The following ACCSL variants were observed in gnomAD, a reference collection of about 807,000 sequenced individuals.
ACCSL encodes 1-aminocyclopropane-1-carboxylate synthase homolog (inactive) like, also known as probable inactive 1-aminocyclopropane-1-carboxylate synthase-like protein 2.
A neutral mutation model predicts 61.7 loss-of-function variants in ACCSL; 55 were observed. The observed-to-expected ratio is 0.89, with a 90% CI of 0.72 to 1.12. ACCSL has a LOEUF of 1.12. Ranked by LOEUF, ACCSL falls within the 50% of genes most tolerant of loss-of-function variation. The pLI is 0.00. For missense variants in ACCSL, 632 were observed against 698.0 expected, an observed-to-expected ratio of 0.91 and a Z score of 1.07; for synonymous variants, 258 against 264.3, an observed-to-expected ratio of 0.98 and a Z score of 0.23.
the ACCSL span, among the ~76,000 whole-genome samples, chr11:43,932,088 G>A: frequency 6.6e-6 from 1 of 152,144 alleles, no homozygotes; most frequent in Non-Finnish European, 1.5e-5. Flanking sequence ...AAATGACAGG[G>A]CATCATTGCG....
the ACCSL span, among the ~76,000 whole-genome samples, chr11:43,967,178 T>TA: frequency 1.3e-4 from 16 of 127,000 alleles, no homozygotes; most frequent in Non-Finnish European, 2.3e-4. Flanking sequence ...TTTTTTTTTT[T>TA]TTTTTTTTTT....
At position 44,056,230 on chromosome 11, in the gene ACCSL, A is replaced by C; in HGVS notation, c.1231A>C (p.Asn411His). 6.2e-7 allele frequency: 1 copy of C among 1,614,132 alleles called. No individual in the cohort carries two copies. Among genetic ancestry groups the C allele is most frequent in the Non-Finnish European group, 8.5e-7 (1 of 1,179,974 alleles). The change falls in exon 11 of 14, where the codon AAC (asparagine) becomes CAC (histidine). Residue 411 changes from asparagine to histidine, a missense_variant. By Grantham distance (68) the Asn-to-His change is moderately conservative (BLOSUM62 1). Transcript: ENST00000378832. Reference protein sequence around the residue: ...GFRFGALYTHNKEVASAVSAF... With the variant: ...GFRFGALYTHHKEVASAVSAF... ...CCGCTTTGGTGCTCTGTATACCCACAACAAGGAGGTGGCCTCTGCTGTGAG... is the reference window on the plus strand; with the variant it reads ...CCGCTTTGGTGCTCTGTATACCCACCACAAGGAGGTGGCCTCTGCTGTGAG...
chr11:44,029,843 G>A, the ACCSL span, among the ~76,000 whole-genome samples: 56 of 152,014 alleles, frequency 3.7e-4, no homozygotes, highest in African/African-American at 1.2e-3. Context: ...TGGAATCTAA[G>A]CAGGGGTCCC....
In ACCSL at chr11:44,052,771, G is replaced by A. The variant is rs1952647725; in HGVS notation, c.870+12G>A. The A allele has an allele frequency of 6.8e-6, 11 of 1,610,544 alleles. No individual in the cohort carries two copies. Among genetic ancestry groups the A allele is most frequent in the African/African-American group, 1.3e-5 (1 of 74,936 alleles). On this transcript the variant is annotated intron_variant, in intron 6 of 13. Coordinates refer to ENST00000378832, the MANE Select transcript of ACCSL (RefSeq NM_001031854.2). The stretch of plus-strand genomic sequence containing the variant: ...ACCTGGAGAGTGAGGTCTGAATGGG[G>A]CCCCTTCCCTGCTCAGTATGCCTAG...
intron 8 of ACCSL, among the ~76,000 whole-genome samples, 191 bp downstream of exon 8, chr11:44,053,697 A>C (rs1249091235): frequency 6.6e-6 from 1 of 152,156 alleles, no homozygotes; most frequent in Non-Finnish European, 1.5e-5. Flanking sequence ...CCTTGTCTCT[A>C]CTAAAAATAC....
upstream of ACCSL, among the ~76,000 whole-genome samples, chr11:44,046,244 G>T (rs990756802): frequency 6.6e-6 from 1 of 152,198 alleles, no homozygotes; most frequent in Admixed American, 6.5e-5. Flanking sequence ...TCATCAGTAT[G>T]TTCCTAACAC....
the ACCSL span, among the ~76,000 whole-genome samples, chr11:44,030,504 C>T: frequency 6.6e-6 from 1 of 151,924 alleles, no homozygotes; most frequent in Admixed American, 6.6e-5. Flanking sequence ...GTCTCTGAGC[C>T]AAGGCACAGG....
the ACCSL span, among the ~76,000 whole-genome samples, chr11:43,949,534 G>A: frequency 6.6e-6 from 1 of 152,112 alleles, no homozygotes; most frequent in East Asian, 1.9e-4. Context: ...TTACTTACTG[G>A]CCGGGCATGG....
At chr11:43,991,119 C>A in the ACCSL span, among the ~76,000 whole-genome samples, 5 of 151,948 alleles carry the variant, frequency 3.3e-5, no homozygotes, top group African/African-American at 1.2e-4. Flanking sequence ...GTTTTGGAGT[C>A]AGAGAGATTC....
chr11:43,953,534 A>C, the ACCSL span, among the ~76,000 whole-genome samples: 1 of 151,916 alleles, frequency 6.6e-6, no homozygotes, highest in African/African-American at 2.4e-5. Flanking sequence ...AAAAAAAAAA[A>C]AAAAAAGGAT....
the ACCSL span, among the ~76,000 whole-genome samples, chr11:43,924,718 G>C: frequency 1.3e-5 from 2 of 152,232 alleles, no homozygotes; most frequent in South Asian, 4.1e-4. Context: ...TGAGCCACCT[G>C]CCTGGGGGTT....
the ACCSL span, among the ~76,000 whole-genome samples, chr11:43,923,741 GTCTGTTAGTGT>G: frequency 6.6e-6 from 1 of 152,228 alleles, no homozygotes; most frequent in East Asian, 1.9e-4. Flanking sequence ...GGGCTGAGCT[GTCTGTTAGTGT>G]TTAAGCTGGA....
At chr11:43,928,995 T>C in the ACCSL span, among the ~76,000 whole-genome samples, 3 of 152,216 alleles carry the variant, frequency 2.0e-5, no homozygotes, top group African/African-American at 7.2e-5. Flanking sequence ...AGGATGGTGC[T>C]GTGGTGGCAA....
At chr11:43,928,044 G>A in the ACCSL span, among the ~76,000 whole-genome samples, 6 of 152,230 alleles carry the variant, frequency 3.9e-5, no homozygotes, top group Non-Finnish European at 7.3e-5. Flanking sequence ...GTGGTGGCCA[G>A]GGAAGTCTGC....
the ACCSL span, chr11:43,943,138 G>A: frequency 1.3e-6 from 2 of 1,500,166 alleles, no homozygotes; most frequent in East Asian, 2.7e-5. This position sits in a 1 kb window ranked among gnomAD's most constrained non-coding sequence, Gnocchi z 4.8. Flanking sequence ...AGGAGGAGAA[G>A]GCCAAGAAGT....
chr11:44,053,094 A>G (rs758069020), intron 7 of ACCSL, 26 bp downstream of exon 7: 1 of 1,592,638 alleles, frequency 6.3e-7, no homozygotes, highest in Non-Finnish European at 8.6e-7. Context: ...TATTTTTAGG[A>G]TGGCCACTGC....
At chr11:43,937,241 A>G in the ACCSL span, among the ~76,000 whole-genome samples, 6 of 152,348 alleles carry the variant, frequency 3.9e-5, no homozygotes, top group South Asian at 1.2e-3. Flanking sequence ...GCAGTGGCCA[A>G]CAATGACCAC....
At chr11:43,996,139 C>A in the ACCSL span, among the ~76,000 whole-genome samples, 1 of 152,202 alleles carries the variant, frequency 6.6e-6, no homozygotes, top group Admixed American at 6.5e-5. Context: ...CCACTCACAG[C>A]CCTCAGAAGG....
chr11:44,012,309 A>T, the ACCSL span, among the ~76,000 whole-genome samples: 2 of 150,360 alleles, frequency 1.3e-5, no homozygotes, highest in African/African-American at 4.9e-5. Flanking sequence ...TTTTTGAGAT[A>T]GAGTTTCGCT....
Sources: gnomAD v4.1 joint callset for allele counts (sites outside exome capture counted in the v4.1 genomes callset) on GRCh38, gnomAD v4.1.1 for gene constraint, Gnocchi (gnomAD v3.1) non-coding constraint, MANE v1.5 for transcripts, NCBI Gene and HGNC (gene_info 2026-07-23, HGNC 2026-07-21) for gene names.